The following PHF24 variants were observed in gnomAD, a reference collection of about 807,000 sequenced individuals.
The protein encoded by PHF24 is PHD finger protein 24.
Under a neutral mutation model 42.6 loss-of-function variants are expected in PHF24, and 25 were observed. That is an observed-to-expected ratio of 0.59 (90% CI 0.43 to 0.82). The LOEUF is 0.82. Ranked by LOEUF, PHF24 falls within the 40% of genes least tolerant of loss-of-function variation. The pLI is 0.00. For missense variants in PHF24, 470 were observed against 538.1 expected, an observed-to-expected ratio of 0.87 and a Z score of 1.25; for synonymous variants, 185 against 204.8, an observed-to-expected ratio of 0.90 and a Z score of 0.83.
the PHF24 span, among the ~76,000 whole-genome samples, chr9:34,845,815 G>T: frequency 7.3e-6 from 1 of 136,120 alleles, no homozygotes; most frequent in Non-Finnish European, 1.5e-5. Context: ...TGTTCTCATT[G>T]TTCAGTTCCC....
the PHF24 span, among the ~76,000 whole-genome samples, chr9:34,693,960 A>T: frequency 6.6e-6 from 1 of 151,820 alleles, no homozygotes; most frequent in Admixed American, 6.6e-5. Context: ...AGTTTTGTTT[A>T]TCCAGAACAG....
At chr9:34,856,629 A>G in the PHF24 span, among the ~76,000 whole-genome samples, 6 of 152,218 alleles carry the variant, frequency 3.9e-5, no homozygotes, top group Non-Finnish European at 8.8e-5. Flanking sequence ...GCAAAACAGC[A>G]AAGATGGCAG....
the PHF24 span, among the ~76,000 whole-genome samples, chr9:34,666,552 A>ATTTTT: frequency 0.057 from 7,511 of 132,428 alleles, 384 homozygotes; most frequent in African/African-American, 0.095. Context: ...TCTTCTTGTG[A>ATTTTT]TTTTTTTTTT....
At chr9:34,779,886 C>A in the PHF24 span, among the ~76,000 whole-genome samples, 3 of 152,236 alleles carry the variant, frequency 2.0e-5, no homozygotes, top group South Asian at 6.2e-4. Context: ...CCAACACGCC[C>A]CGCTAATTTT....
chr9:34,741,200 T>C, the PHF24 span, among the ~76,000 whole-genome samples: 1 of 150,864 alleles, frequency 6.6e-6, no homozygotes, highest in Non-Finnish European at 1.5e-5. Context: ...TCCTCTCATT[T>C]TTGTAAAAAA....
At chr9:34,838,824 C>A in the PHF24 span, among the ~76,000 whole-genome samples, 1 of 152,206 alleles carries the variant, frequency 6.6e-6, no homozygotes, top group Non-Finnish European at 1.5e-5. Flanking sequence ...GGTCACCTGT[C>A]CTCAGAAAAC....
chr9:34,904,247 C>A, the PHF24 span, among the ~76,000 whole-genome samples: 3 of 152,168 alleles, frequency 2.0e-5, no homozygotes, highest in Non-Finnish European at 2.9e-5. Flanking sequence ...CTGGCTAGGA[C>A]TTCCAGTACT....
the PHF24 span, chr9:34,726,457 C>G: frequency 6.4e-7 from 1 of 1,551,230 alleles, no homozygotes; most frequent in African/African-American, 1.4e-5. Context: ...GGTTCAGGGA[C>G]AGCAAGGAGA....
chr9:34,699,131 T>C, the PHF24 span, among the ~76,000 whole-genome samples: 7 of 152,240 alleles, frequency 4.6e-5, no homozygotes, highest in Non-Finnish European at 7.3e-5. Context: ...GAATTGTATA[T>C]ATGAGACCAG....
the PHF24 span, among the ~76,000 whole-genome samples, chr9:34,821,269 C>A: frequency 2.0e-5 from 3 of 152,104 alleles, no homozygotes; most frequent in Non-Finnish European, 4.4e-5. Flanking sequence ...TGATTTAAAA[C>A]ATTTTATTTA....
chr9:34,690,920 A>G, the PHF24 span, among the ~76,000 whole-genome samples: 47 of 152,140 alleles, frequency 3.1e-4, 1 homozygote, highest in African/African-American at 8.7e-4. Context: ...GGACACCCAC[A>G]CTTACAGGCA....
chr9:34,756,570 A>G, the PHF24 span, among the ~76,000 whole-genome samples: 8 of 152,222 alleles, frequency 5.3e-5, no homozygotes, highest in East Asian at 1.9e-4. Context: ...CCATTGGTCT[A>G]TGTGTCACCT....
chr9:34,932,865 T>C, the PHF24 span, among the ~76,000 whole-genome samples: 1 of 152,032 alleles, frequency 6.6e-6, no homozygotes, highest in Non-Finnish European at 1.5e-5. Flanking sequence ...TGTACTGCAA[T>C]CACTGAATCA....
the PHF24 span, among the ~76,000 whole-genome samples, chr9:34,876,841 A>G: frequency 7.2e-5 from 11 of 152,242 alleles, no homozygotes; most frequent in Non-Finnish European, 1.5e-4. Flanking sequence ...CCCAAAGGAA[A>G]ACAAAGCAGG....
the PHF24 span, among the ~76,000 whole-genome samples, chr9:34,906,763 CAAGT>C: frequency 6.6e-6 from 1 of 151,304 alleles, no homozygotes; most frequent in Non-Finnish European, 1.5e-5. Flanking sequence ...CTTATCTAAA[CAAGT>C]AACTTTGTTT....
chr9:34,666,552 ATTTT>A, the PHF24 span, among the ~76,000 whole-genome samples: 53 of 132,594 alleles, frequency 4.0e-4, no homozygotes, highest in African/African-American at 1.2e-3. Flanking sequence ...TCTTCTTGTG[ATTTT>A]TTTTTTTTTT....
the PHF24 span, chr9:34,832,955 T>C: frequency 6.4e-7 from 1 of 1,551,640 alleles, no homozygotes; most frequent in Middle Eastern, 1.7e-4. Context: ...AAACTGAGGG[T>C]GATGCTGGGG....
chr9:34,723,445 C>T, the PHF24 span: 3 of 1,551,784 alleles, frequency 1.9e-6, no homozygotes, highest in African/African-American at 1.4e-5. Flanking sequence ...GCTTCTCCGT[C>T]TTACTTCTCC....
chr9:34,769,952 C>T, the PHF24 span, among the ~76,000 whole-genome samples: 25 of 152,170 alleles, frequency 1.6e-4, 2 homozygotes, highest in South Asian at 5.2e-3. Context: ...ATAAATAGTG[C>T]TTACATGAAA....
Sources: gnomAD v4.1 joint callset for allele counts (sites outside exome capture counted in the v4.1 genomes callset) on GRCh38, gnomAD v4.1.1 for gene constraint, MANE v1.5 for transcripts, NCBI Gene and HGNC (gene_info 2026-07-23, HGNC 2026-07-21) for gene names.